Variants in RSPO2 observed in about 807,000 individuals in gnomAD.
The protein encoded by RSPO2 is R-spondin-2.
In RSPO2, 14 loss-of-function variants were observed where a neutral mutation model predicts 30.9. The ratio of observed to expected loss-of-function variants is 0.45; its 90% CI spans 0.30 to 0.71. The LOEUF is 0.71. RSPO2 is among the 30% of genes least tolerant of loss of function. The pLI, the probability that RSPO2 is intolerant of heterozygous loss-of-function variation, is 0.08. For synonymous variants in RSPO2, 107 were observed against 96.4 expected (o/e 1.11, Z -0.64); for missense variants, 264 against 301.9 (o/e 0.87, Z 0.93).
At chr8:107,927,186 T>C (rs1039745939) in intron 5 of RSPO2, among the ~76,000 whole-genome samples, 4 of 152,068 alleles carry the variant, frequency 2.6e-5, no homozygotes, top group African/African-American at 9.7e-5. Flanking sequence ...CTCATGATTT[T>C]GCTCTGTGTT....
chr8:107,934,371 CTTTTTTTTTT>C (rs3039296), intron 5 of RSPO2, among the ~76,000 whole-genome samples: 1 of 141,834 alleles, frequency 7.1e-6, no homozygotes, highest in Non-Finnish European at 1.6e-5. Context: ...TCTCATTTCC[CTTTTTTTTTT>C]TTTTTTATTA....
Position 107,983,554 on chromosome 8 carries a change from CAA to C in RSPO2, c.283+5500_283+5501del, listed in dbSNP as rs1814522582. On this transcript the variant is annotated intron_variant, in intron 3 of 5. Transcript: ENST00000276659. ...AGACACACTACTATATTTACTTCAG[CAA>C]AAGAGTGAGCCAGCAGAGCCATGTA... 3.8e-6 allele frequency: 6 copies of C among 1,599,358 alleles called. No homozygotes were observed. In the East Asian group the frequency reaches 1.3e-4, roughly 36 times the overall value.
intron 2 of RSPO2, among the ~76,000 whole-genome samples, chr8:107,995,320 C>T (rs141142103): frequency 8.2e-4 from 125 of 152,216 alleles, no homozygotes; most frequent in African/African-American, 2.8e-3. Context: ...AAAATCATCA[C>T]CTCAGATACA....
At chr8:107,932,359 T>G (rs989020782) in intron 5 of RSPO2, among the ~76,000 whole-genome samples, 1 of 151,960 alleles carries the variant, frequency 6.6e-6, no homozygotes, top group East Asian at 1.9e-4. Context: ...CTAAAGTGAG[T>G]AGGGAGGTAA....
Position 107,958,145 on chromosome 8 carries a change from G to T in RSPO2, c.551C>A (p.Thr184Lys). 1.9e-6 allele frequency: 3 copies of T among 1,613,754 alleles called. No individual in the cohort carries two copies. The highest frequency in any genetic ancestry group is 1.7e-6 in the Non-Finnish European group (2 of 1,179,738). Reference sequence around the variant, plus strand: ...TTCAGCAATGGTTGGACACAGTATTGTGTCTTTCACTGGCTTTTTAACAAT... The same window carrying T: ...TTCAGCAATGGTTGGACACAGTATTTTGTCTTTCACTGGCTTTTTAACAAT... ...RQIVKKPVKD[T>K]ILCPTIAESR... The change falls in exon 5 of 6, where the codon ACA becomes AAA. Residue 184 changes from threonine (T) to lysine (K), a missense_variant. Transcript: ENST00000276659.
chr8:108,012,118 T>C (rs1229693875), intron 2 of RSPO2, among the ~76,000 whole-genome samples: 1 of 152,226 alleles, frequency 6.6e-6, no homozygotes, highest in Non-Finnish European at 1.5e-5. Context: ...CCTGCTCATA[T>C]AAATAATTTG....
chr8:108,041,552 GA>G (rs1446702590), intron 2 of RSPO2, among the ~76,000 whole-genome samples: 3 of 152,148 alleles, frequency 2.0e-5, no homozygotes, highest in African/African-American at 7.2e-5. Flanking sequence ...CAGCTTTTAA[GA>G]AGACAGTGGG....
chr8:108,025,630 A>G (rs1052207392), intron 2 of RSPO2, among the ~76,000 whole-genome samples: 1 of 152,060 alleles, frequency 6.6e-6, no homozygotes, highest in African/African-American at 2.4e-5. Flanking sequence ...GGCTCTAGCA[A>G]TCCTCCCACC....
intron 2 of RSPO2, among the ~76,000 whole-genome samples, chr8:108,079,445 A>G (rs778923427): frequency 2.0e-5 from 3 of 152,176 alleles, no homozygotes; most frequent in Non-Finnish European, 4.4e-5. Flanking sequence ...AGACGGTCAA[A>G]ATACTATTTT....
chr8:107,987,025 A>G (rs1043905468), intron 3 of RSPO2, among the ~76,000 whole-genome samples: 3 of 152,160 alleles, frequency 2.0e-5, no homozygotes, highest in East Asian at 1.9e-4. Context: ...ATATTAATCC[A>G]AACAATTCCA....
chr8:108,024,685 A>C lies in RSPO2; in HGVS notation c.95-35441T>G, dbSNP rs572892452. 5.3e-5 allele frequency among the ~76,000 whole-genome samples: 8 copies of C among 152,322 alleles called. No individual in the cohort carries two copies. In the South Asian group the frequency reaches 1.7e-3, roughly 32 times the overall value. On this transcript the variant is annotated intron_variant, in intron 2 of 5. Coordinates refer to ENST00000276659, the MANE Select transcript of RSPO2 (RefSeq NM_178565.5). ...ACCTCTTTCTATTGTTCTGATCTTT[A>C]GAATCATGTTAATATTTTACGTACT...
chr8:108,074,407 C>T (rs889027561), intron 2 of RSPO2, among the ~76,000 whole-genome samples: 9 of 152,156 alleles, frequency 5.9e-5, no homozygotes, highest in African/African-American at 2.2e-4. Flanking sequence ...TACATGAACA[C>T]ATGTACAGGC....
intron 5 of RSPO2, among the ~76,000 whole-genome samples, chr8:107,925,992 A>C (rs957894672): frequency 6.6e-6 from 1 of 152,174 alleles, no homozygotes; most frequent in African/African-American, 2.4e-5. Context: ...TGTCTTCCAC[A>C]ATGGTTGAAC....
At chr8:107,964,709 G>A (rs548219001) in intron 3 of RSPO2, among the ~76,000 whole-genome samples, 3 of 152,078 alleles carry the variant, frequency 2.0e-5, no homozygotes, top group South Asian at 2.1e-4. Flanking sequence ...CAGGGGGTGG[G>A]GGGAACTCCT....
chr8:107,987,207 G>C (rs548243130), intron 3 of RSPO2, among the ~76,000 whole-genome samples: 1 of 151,628 alleles, frequency 6.6e-6, no homozygotes, highest in South Asian at 2.1e-4. Flanking sequence ...TAAAGCCTCC[G>C]CAATTTATTA....
At chr8:108,054,737 G>A (rs1171749546) in intron 2 of RSPO2, among the ~76,000 whole-genome samples, 1 of 152,156 alleles carries the variant, frequency 6.6e-6, no homozygotes, top group Non-Finnish European at 1.5e-5. Flanking sequence ...TGGTTCTCAG[G>A]CTGGCAAGCA....
At position 108,027,581 on chromosome 8, in the gene RSPO2, T is replaced by A. The variant is rs561930751; in HGVS notation, c.95-38337A>T. Among the ~76,000 whole-genome samples the A allele has an allele frequency of 2.4e-3, 359 of 152,154 alleles. 1 individual carries two copies. The highest frequency in any genetic ancestry group is 8.0e-3 in the African/African-American group (330 of 41,448). ...AAGAGCAAAGTATTTATATTTTTTT[T>A]AAAAAAGTTCAATTATAGAACTATT... On this transcript the variant is annotated intron_variant, in intron 2 of 5. Transcript: ENST00000276659.
intron 5 of RSPO2, among the ~76,000 whole-genome samples, chr8:107,928,275 T>C (rs1403595738): frequency 6.6e-6 from 1 of 152,180 alleles, no homozygotes; most frequent in African/African-American, 2.4e-5. Context: ...AGATCATCCT[T>C]TACCCTTTTA....
chr8:108,042,303 G>A (rs538342637), intron 2 of RSPO2, among the ~76,000 whole-genome samples: 2 of 152,252 alleles, frequency 1.3e-5, no homozygotes, highest in South Asian at 4.1e-4. Context: ...GTGATAACGT[G>A]GGGGAAGACA....
Sources: gnomAD v4.1 joint callset for allele counts (sites outside exome capture counted in the v4.1 genomes callset) on GRCh38, gnomAD v4.1.1 for gene constraint, MANE v1.5 for transcripts, NCBI Gene and HGNC (gene_info 2026-07-23, HGNC 2026-07-21) for gene names.